The following INPP4B variants were observed in gnomAD, a reference collection of about 807,000 sequenced individuals.
INPP4B encodes inositol polyphosphate-4-phosphatase type II B.
A neutral mutation model predicts 122.5 loss-of-function variants in INPP4B; 55 were observed. The ratio of observed to expected loss-of-function variants is 0.45; its 90% CI spans 0.36 to 0.56. The LOEUF is 0.56. Ranked by LOEUF, INPP4B falls within the 20% of genes least tolerant of loss-of-function variation. The probability of loss-of-function intolerance (pLI) is 0.00; values close to 1 mark genes in which losing one functional copy is unlikely to be tolerated. For missense variants in INPP4B, 1,000 were observed against 1,097.7 expected, an observed-to-expected ratio of 0.91 and a Z score of 1.26; for synonymous variants, 403 against 388.7, an observed-to-expected ratio of 1.04 and a Z score of -0.43.
intron 1 of INPP4B, among the ~76,000 whole-genome samples, chr4:142,804,088 A>AATAAATAT (rs55736732): frequency 0.026 from 3,879 of 151,220 alleles, 70 homozygotes; most frequent in Non-Finnish European, 0.039. Context: ...TAAATAAATA[A>AATAAATAT]ATAAATAAAT....
intron 7 of INPP4B, among the ~76,000 whole-genome samples, chr4:142,379,544 G>T (rs772787973): frequency 6.6e-6 from 1 of 152,118 alleles, no homozygotes; most frequent in Non-Finnish European, 1.5e-5. Flanking sequence ...CCCCAACCTA[G>T]TTGCAATTAT....
intron 1 of INPP4B, among the ~76,000 whole-genome samples, chr4:142,777,054 A>G: frequency 6.6e-6 from 1 of 152,146 alleles, no homozygotes; most frequent in African/African-American, 2.4e-5. Context: ...ACACTCATGA[A>G]TGCATGTCCA....
intron 2 of INPP4B, among the ~76,000 whole-genome samples, chr4:142,690,430 C>A (rs1760004477): frequency 6.6e-6 from 1 of 151,452 alleles, no homozygotes; most frequent in African/African-American, 2.4e-5. Context: ...CTTTTAATTT[C>A]TGCTTCCAAT....
intron 1 of INPP4B, among the ~76,000 whole-genome samples, chr4:142,793,442 T>C (rs1002707552): frequency 6.6e-6 from 1 of 151,994 alleles, no homozygotes; most frequent in Non-Finnish European, 1.5e-5. Context: ...CAACGATCAG[T>C]GGAACAAAAA....
chr4:142,465,352 T>C (rs1290832602), intron 2 of INPP4B, among the ~76,000 whole-genome samples: 2 of 152,088 alleles, frequency 1.3e-5, no homozygotes, highest in East Asian at 3.9e-4. Flanking sequence ...TAAATATACA[T>C]CCCACAGACT....
intron 2 of INPP4B, among the ~76,000 whole-genome samples, chr4:142,704,840 C>T (rs1202717692): frequency 6.6e-6 from 1 of 152,148 alleles, no homozygotes; most frequent in Non-Finnish European, 1.5e-5. Context: ...GACATAAATG[C>T]CAATTTCGTA....
At chr4:142,307,469 T>C (rs1009403771) in intron 8 of INPP4B, among the ~76,000 whole-genome samples, 2 of 152,212 alleles carry the variant, frequency 1.3e-5, no homozygotes, top group African/African-American at 4.8e-5. Context: ...TAGCACACAG[T>C]AGGTATCTGG....
intron 17 of INPP4B, among the ~76,000 whole-genome samples, chr4:142,158,162 A>C (rs867309945): frequency 2.0e-5 from 3 of 152,042 alleles, no homozygotes; most frequent in African/African-American, 7.2e-5. Context: ...ACACACACTA[A>C]CTACCTCTCT....
intron 18 of INPP4B, among the ~76,000 whole-genome samples, chr4:142,135,399 G>A (rs551414042): frequency 8.7e-4 from 132 of 151,604 alleles, no homozygotes; most frequent in African/African-American, 3.2e-3. Flanking sequence ...TCACATTTTA[G>A]CAATTTTTAA....
chr4:142,404,174 TAA>T (rs970113168), intron 6 of INPP4B, among the ~76,000 whole-genome samples: 3 of 152,194 alleles, frequency 2.0e-5, no homozygotes. Flanking sequence ...CACTGGAACC[TAA>T]AGTTTCCAAA....
chr4:142,342,387 AT>A (rs1778973639), intron 7 of INPP4B, among the ~76,000 whole-genome samples: 1 of 152,138 alleles, frequency 6.6e-6, no homozygotes, highest in South Asian at 2.1e-4. Context: ...ACTACATCTA[AT>A]TTTTGGCCCA....
intron 2 of INPP4B, among the ~76,000 whole-genome samples, chr4:142,578,778 A>G (rs1292983832): frequency 6.6e-6 from 1 of 152,076 alleles, no homozygotes; most frequent in Non-Finnish European, 1.5e-5. Context: ...GCTGTCCTTT[A>G]GAAATAATAC....
intron 8 of INPP4B, among the ~76,000 whole-genome samples, chr4:142,309,847 G>C (rs1422279132): frequency 6.6e-6 from 1 of 152,128 alleles, no homozygotes; most frequent in Admixed American, 6.6e-5. Flanking sequence ...TATCAAACAG[G>C]GTGAAAAAAA....
At chr4:142,601,819 A>G (rs1308298371) in intron 2 of INPP4B, among the ~76,000 whole-genome samples, 1 of 151,780 alleles carries the variant, frequency 6.6e-6, no homozygotes, top group Non-Finnish European at 1.5e-5. Flanking sequence ...AATATAAAAA[A>G]TTAGCCAGGT....
At chr4:142,515,131 T>C (rs1186382854) in intron 2 of INPP4B, among the ~76,000 whole-genome samples, 1 of 152,126 alleles carries the variant, frequency 6.6e-6, no homozygotes, top group Non-Finnish European at 1.5e-5. Context: ...TATATAAAGA[T>C]CTTAGTAGTA....
At chr4:142,544,036 T>C (rs2150043750) in intron 2 of INPP4B, among the ~76,000 whole-genome samples, 1 of 151,860 alleles carries the variant, frequency 6.6e-6, no homozygotes, top group South Asian at 2.1e-4. Flanking sequence ...GAAGTTTTCT[T>C]TGGAGAAAGC....
chr4:142,284,538 G>A (rs536154270), intron 9 of INPP4B, among the ~76,000 whole-genome samples: 3 of 152,132 alleles, frequency 2.0e-5, no homozygotes, highest in African/African-American at 2.4e-5. Flanking sequence ...CAGCTGATAG[G>A]TTGGTAAATG....
chr4:142,048,376 A>G (rs1421846172), intron 25 of INPP4B, among the ~76,000 whole-genome samples: 2 of 152,086 alleles, frequency 1.3e-5, no homozygotes, highest in South Asian at 2.1e-4. Context: ...TAAATGAAAT[A>G]TATGTTCTGA....
At chr4:142,837,297 AGT>A (rs2151200354) in intron 1 of INPP4B, among the ~76,000 whole-genome samples, 1 of 152,284 alleles carries the variant, frequency 6.6e-6, no homozygotes, top group Non-Finnish European at 1.5e-5. Context: ...CTCAAACAAT[AGT>A]AGAAGAATAT....
Sources: gnomAD v4.1 joint callset for allele counts (sites outside exome capture counted in the v4.1 genomes callset) on GRCh38, gnomAD v4.1.1 for gene constraint, MANE v1.5 for transcripts, NCBI Gene and HGNC (gene_info 2026-07-23, HGNC 2026-07-21) for gene names.